INVS: variants seen among roughly 807,000 people sequenced by gnomAD.
INVS encodes the protein inversin.
A neutral mutation model predicts 108.8 loss-of-function variants in INVS; 86 were observed. The ratio of observed to expected loss-of-function variants is 0.79; its 90% CI spans 0.66 to 0.95. The LOEUF is 0.95. INVS is among the 40% of genes least tolerant of loss of function. INVS has a pLI of 0.00. For synonymous variants in INVS, 455 were observed against 473.5 expected (o/e 0.96, Z 0.51); for missense variants, 1,169 against 1,297.4 (o/e 0.90, Z 1.52).
At position 100,252,267 on chromosome 9, in the gene INVS, G is replaced by A; in HGVS notation, c.1079-16G>A. 6.2e-7 allele frequency: 1 copy of A among 1,613,804 alleles called. No individual in the cohort carries two copies. Among genetic ancestry groups the A allele is most frequent in the Non-Finnish European group, 8.5e-7 (1 of 1,179,700 alleles). On this transcript the variant is annotated splice_polypyrimidine_tract_variant and intron_variant, in intron 8 of 16. Coordinates refer to ENST00000262457, the MANE Select transcript of INVS (RefSeq NM_014425.5). ...GTTATTGACTAGTTCATCACTTTCT[G>A]TTGGTTCCCTTTTAGCTTTGCATGC...
intron 3 of INVS, among the ~76,000 whole-genome samples, chr9:100,132,980 C>T (rs975069272): frequency 7.9e-5 from 12 of 152,050 alleles, no homozygotes; most frequent in African/African-American, 2.2e-4. Context: ...TGGTGCGTGC[C>T]TATAATCCCA....
intron 3 of INVS, among the ~76,000 whole-genome samples, chr9:100,172,689 T>C (rs1040224504): frequency 6.6e-6 from 1 of 152,180 alleles, no homozygotes; most frequent in Non-Finnish European, 1.5e-5. Context: ...CAGCTATTGT[T>C]AGCACAAGAT....
intron 11 of INVS, among the ~76,000 whole-genome samples, chr9:100,270,527 C>G (rs1832919193): frequency 6.6e-6 from 1 of 151,628 alleles, no homozygotes; most frequent in South Asian, 2.1e-4. Context: ...GTCGGATCAC[C>G]TGAGGTCAGG....
In INVS at chr9:100,300,707, C is replaced by CTGG; in HGVS notation, c.*34_*36dup. 1 of 1,437,414 alleles carries CTGG rather than the reference C, an allele frequency of 7.0e-7. No homozygotes were observed. Among genetic ancestry groups the CTGG allele is most frequent in the Non-Finnish European group, 9.8e-7 (1 of 1,022,146 alleles). 89.0% of individuals were successfully genotyped at this position (1,437,414 alleles called of 1,614,324 possible). Reference sequence around the variant, plus strand: ...TGGAGGAAGACTGTGTTCGGGGGAGCTGGCATAGCTAGTGCAGAGTTCAGA... The same window carrying CTGG: ...TGGAGGAAGACTGTGTTCGGGGGAGCTGGTGGCATAGCTAGTGCAGAGTTCAGA... On this transcript the variant is annotated 3_prime_UTR_variant, in exon 17 of 17. Coordinates refer to ENST00000262457, the MANE Select transcript of INVS (RefSeq NM_014425.5).
chr9:100,147,855 G>A (rs1038765525), intron 3 of INVS, among the ~76,000 whole-genome samples: 6 of 151,914 alleles, frequency 3.9e-5, no homozygotes, highest in African/African-American at 1.4e-4. Flanking sequence ...ATAAGAGTAT[G>A]TAAAATTAAG....
chr9:100,215,153 A>G (rs920637299), intron 3 of INVS: 3 of 152,218 alleles, frequency 2.0e-5, no homozygotes, highest in African/African-American at 7.2e-5. Context: ...GTCATTATGG[A>G]TATTTATGAT....
intron 3 of INVS, among the ~76,000 whole-genome samples, chr9:100,174,757 A>T (rs1484497950): frequency 1.3e-5 from 2 of 151,914 alleles, no homozygotes; most frequent in Non-Finnish European, 2.9e-5. Flanking sequence ...TACTAAAAAT[A>T]CAAAATTAGC....
intron 3 of INVS, among the ~76,000 whole-genome samples, chr9:100,176,773 CCTTA>C (rs1829725740): frequency 6.6e-6 from 1 of 152,114 alleles, no homozygotes; most frequent in Non-Finnish European, 1.5e-5. Context: ...CCGTGCCTGG[CCTTA>C]CTTACTGTTA....
At chr9:100,291,922 C>A (rs1833628722) in intron 13 of INVS, among the ~76,000 whole-genome samples, 1 of 152,124 alleles carries the variant, frequency 6.6e-6, no homozygotes. Context: ...ATTTTCTGTT[C>A]TTATGTAGAT....
In INVS at chr9:100,165,527, C is replaced by T. The variant is rs193143483; in HGVS notation, c.273+38978C>T. Among the ~76,000 whole-genome samples the T allele has an allele frequency of 1.4e-4, 21 of 152,214 alleles. 1 individual carries two copies. The Middle Eastern group carries it at 0.017, about 123-fold the overall frequency. On this transcript the variant is annotated intron_variant, in intron 3 of 16. Transcript: ENST00000262457. ...TCATATAGGAAAGGAAGGATGAATG[C>T]TTGATTCTCCCTCTTTATTTACCAA... is the stretch of plus-strand genomic sequence containing the variant.
intron 2 of INVS, among the ~76,000 whole-genome samples, chr9:100,105,654 C>T (rs1038071054): frequency 5.3e-5 from 8 of 152,084 alleles, no homozygotes; most frequent in African/African-American, 1.9e-4. Flanking sequence ...ATCACTCAAA[C>T]ATTCTACCAT....
chr9:100,269,036 C>T (rs1407323814), intron 11 of INVS, among the ~76,000 whole-genome samples: 1 of 152,146 alleles, frequency 6.6e-6, no homozygotes, highest in Admixed American at 6.6e-5. Context: ...ATCAAACTTA[C>T]CAAATACGTA....
chr9:100,278,231 C>CA (rs750217205), intron 12 of INVS, among the ~76,000 whole-genome samples: 1,273 of 82,884 alleles, frequency 0.015, 52 homozygotes, highest in African/African-American at 0.027. Context: ...GACCCTGTCT[C>CA]AAAAAAAAAA....
At chr9:100,287,090 CAT>C (rs1182965932) in intron 13 of INVS, among the ~76,000 whole-genome samples, 3 of 152,178 alleles carry the variant, frequency 2.0e-5, no homozygotes, top group African/African-American at 7.2e-5. Context: ...TGGTCTCACT[CAT>C]GTGTCTGCAT....
rs761026744 is a variant in INVS, at chr9:100,292,615, C to T, written c.2358C>T (p.Ala786=). The change falls in exon 14 of 17, where the codon GCC becomes GCT. Residue 786 remains alanine, a synonymous_variant. Coordinates refer to ENST00000262457, the MANE Select transcript of INVS (RefSeq NM_014425.5). The part of the protein sequence containing the change: ...PSRRHDTEPK[A]KCAPQKRRTQ... Reference sequence around the variant, plus strand: ...GGCGGCATGACACAGAACCCAAGGCCAAATGTGCCCCCCAGAAAAGGCGCA... The same window carrying T: ...GGCGGCATGACACAGAACCCAAGGCTAAATGTGCCCCCCAGAAAAGGCGCA... 1 of 1,614,138 alleles carries T rather than the reference C, an allele frequency of 6.2e-7. No homozygotes were observed. The highest frequency in any genetic ancestry group is 1.1e-5 in the South Asian group (1 of 91,074).
intron 3 of INVS, among the ~76,000 whole-genome samples, chr9:100,132,130 A>G (rs926761395): frequency 1.3e-5 from 2 of 152,182 alleles, no homozygotes; most frequent in Non-Finnish European, 2.9e-5. Flanking sequence ...CAGTAAAGCT[A>G]TTTGAAGGCA....
chr9:100,218,552 G>C (rs527677459), intron 3 of INVS, among the ~76,000 whole-genome samples: 1 of 152,318 alleles, frequency 6.6e-6, no homozygotes, highest in East Asian at 1.9e-4. Flanking sequence ...TTGAGGATCA[G>C]CTGCCAATTA....
At chr9:100,119,192 TTTATTC>T (rs1273486556) in intron 2 of INVS, among the ~76,000 whole-genome samples, 10 of 152,234 alleles carry the variant, frequency 6.6e-5, no homozygotes, top group Non-Finnish European at 1.3e-4. Context: ...TCAAAACCTT[TTTATTC>T]TTCTACTTCT....
At chr9:100,227,880 C>T (rs181446927) in intron 4 of INVS, among the ~76,000 whole-genome samples, 222 of 152,246 alleles carry the variant, frequency 1.5e-3, no homozygotes, top group Non-Finnish European at 2.6e-3. Context: ...AAAACAATTA[C>T]GTAATCCTGC....
Sources: allele counts gnomAD v4.1 joint callset (sites outside exome capture counted in the v4.1 genomes callset), GRCh38; gene constraint gnomAD v4.1.1; transcripts MANE v1.5; gene names NCBI Gene and HGNC (gene_info 2026-07-23, HGNC 2026-07-21).